Variants in TTC21B observed in about 807,000 individuals in gnomAD.
The protein encoded by TTC21B is tetratricopeptide repeat protein 21B.
In TTC21B, 127 loss-of-function variants were observed where a neutral mutation model predicts 175.1. That is an observed-to-expected ratio of 0.73 (90% CI 0.63 to 0.84). The LOEUF (loss-of-function observed/expected upper bound fraction) is 0.84. Among genes scored for constraint, TTC21B ranks in the 40% least tolerant of loss-of-function variants. The pLI is 0.00. For synonymous variants in TTC21B, 524 were observed against 524.5 expected (o/e 1.00, Z 0.01); for missense variants, 1,561 against 1,558.3 (o/e 1.00, Z -0.03).
chr2:165,877,759 A>C (rs184552168), intron 27 of TTC21B, among the ~76,000 whole-genome samples: 238 of 151,904 alleles, frequency 1.6e-3, no homozygotes, highest in African/African-American at 5.5e-3. Flanking sequence ...ATATATCTCT[A>C]CACACACACA....
chr2:165,877,042 TAA>T (rs1684686042), intron 27 of TTC21B, among the ~76,000 whole-genome samples: 1 of 152,220 alleles, frequency 6.6e-6, no homozygotes, highest in African/African-American at 2.4e-5. Context: ...GAAGAATATT[TAA>T]CACATTCCTC....
At chr2:165,896,778 T>C (rs1409462715) in intron 22 of TTC21B, among the ~76,000 whole-genome samples, 1 of 152,220 alleles carries the variant, frequency 6.6e-6, no homozygotes, top group Non-Finnish European at 1.5e-5. Context: ...CCTTTCTTCT[T>C]TACTATCAGA....
At chr2:165,917,528 C>A (rs1316827978) in intron 13 of TTC21B, 47 bp from the exon 14 acceptor site, 2 of 1,408,368 alleles carry the variant, frequency 1.4e-6, no homozygotes, top group African/African-American at 1.4e-5. Context: ...ACAACATCAA[C>A]ACATAATTTA....
chr2:165,936,039 G>A (rs1433188450), intron 6 of TTC21B, among the ~76,000 whole-genome samples: 2 of 152,118 alleles, frequency 1.3e-5, no homozygotes, highest in African/African-American at 4.8e-5. Flanking sequence ...AAAGTTAGAG[G>A]TCTGACATTA....
intron 18 of TTC21B, among the ~76,000 whole-genome samples, chr2:165,909,117 A>G (rs1410896414): frequency 1.3e-5 from 2 of 152,118 alleles, no homozygotes; most frequent in Non-Finnish European, 2.9e-5. Flanking sequence ...GATTCCTATA[A>G]TCAGAGCAAT....
chr2:165,903,574 TA>T (rs1257670566), intron 19 of TTC21B, among the ~76,000 whole-genome samples: 4 of 152,160 alleles, frequency 2.6e-5, no homozygotes, highest in Non-Finnish European at 5.9e-5. Flanking sequence ...ATCAGGAGGC[TA>T]CTTCAGGACC....
intron 14 of TTC21B, 75 bp downstream of exon 14, chr2:165,917,182 T>C: frequency 1.4e-6 from 2 of 1,430,482 alleles, no homozygotes; most frequent in Non-Finnish European, 2.0e-6. Context: ...CCTGGGCAGC[T>C]TTTCATTTTC....
In TTC21B at chr2:165,943,324, T is replaced by C. The variant is rs1687437917; in HGVS notation, c.447A>G (p.Ala149=). Residue 149 remains alanine (A), a synonymous_variant, in exon 5 of 29, where the codon GCA becomes GCG. Coordinates refer to ENST00000243344, the MANE Select transcript of TTC21B (RefSeq NM_024753.5). ...CTTTTCCTCTTGTAATATCAAGCCATGCTTTCAAAACGTGTCCCTGTAAAA... is the reference window on the plus strand; with the variant it reads ...CTTTTCCTCTTGTAATATCAAGCCACGCTTTCAAAACGTGTCCCTGTAAAA... The part of the protein sequence containing the change: ...DGSKQGHVLK[A]WLDITRGKEP... 1.9e-6 allele frequency: 3 copies of C among 1,609,566 alleles called. No homozygotes were observed. The highest frequency in any genetic ancestry group is 2.2e-5 in the South Asian group (2 of 90,862).
chr2:165,923,735 C>A (rs1300811686), intron 12 of TTC21B, among the ~76,000 whole-genome samples: 2 of 145,308 alleles, frequency 1.4e-5, no homozygotes, highest in Non-Finnish European at 3.0e-5. Flanking sequence ...AGCCACCACG[C>A]CCAGCTGGTT....
intron 18 of TTC21B, among the ~76,000 whole-genome samples, chr2:165,908,495 C>A (rs760756588): frequency 3.3e-5 from 5 of 151,912 alleles, no homozygotes; most frequent in Non-Finnish European, 7.4e-5. Flanking sequence ...ATAAAAGAAC[C>A]CTAGATAATT....
In TTC21B at chr2:165,921,637, C is replaced by T. The variant is rs533496653; in HGVS notation, c.1517-2204G>A. 2.6e-5 allele frequency among the ~76,000 whole-genome samples: 4 copies of T among 152,196 alleles called. 1 individual carries two copies. The highest frequency in any genetic ancestry group is 7.2e-5 in the African/African-American group (3 of 41,544). ...CTGTGGCTGGTGTCTGAAGTCAGGG[C>T]AGTTTTATGGGGGACTGTGCCCTTA... On this transcript the variant is annotated intron_variant, in intron 12 of 28. Coordinates refer to ENST00000243344, the MANE Select transcript of TTC21B (RefSeq NM_024753.5).
chr2:165,945,578 A>G lies in TTC21B; in HGVS notation c.375T>C (p.Asp125=). ...GLFLWHIGRH[D]KAREYIDRMI... ...TTCTGTCAATATATTCCCTTGCTTT[A>G]TCATGGCGACCAATGTGCCATAAAA... Residue 125 remains aspartate, a synonymous_variant, in exon 4 of 29, where the codon GAT becomes GAC. Coordinates refer to ENST00000243344, the MANE Select transcript of TTC21B (RefSeq NM_024753.5). 6.2e-7 allele frequency: 1 copy of G among 1,613,736 alleles called. No individual in the cohort carries two copies. Among genetic ancestry groups the G allele is most frequent in the Middle Eastern group, 1.7e-4 (1 of 6,058 alleles).
chr2:165,949,210 A>G (rs955345713), intron 3 of TTC21B, 184 bp downstream of exon 3: 3 of 617,918 alleles, frequency 4.9e-6, no homozygotes, highest in Admixed American at 2.9e-5. Flanking sequence ...CGAAAATAGT[A>G]TAAGACACAT....
At chr2:165,915,781 T>C (rs1686146783) in intron 14 of TTC21B, among the ~76,000 whole-genome samples, 1 of 152,242 alleles carries the variant, frequency 6.6e-6, no homozygotes, top group African/African-American at 2.4e-5. Context: ...AGTGGCAGAT[T>C]ATTCCCTCCA....
At chr2:165,899,646 A>T (rs1685484680) in intron 21 of TTC21B, 124 bp downstream of exon 21, 1 of 712,430 alleles carries the variant, frequency 1.4e-6, no homozygotes, top group Non-Finnish European at 2.6e-6. Context: ...ATGTTAGAAA[A>T]ATGTTATTTC....
Position 165,911,467 on chromosome 2 carries a change from TA to T in TTC21B, c.2323-3del. The T allele has an allele frequency of 6.2e-7, 1 of 1,613,680 alleles. No homozygotes were observed. Among genetic ancestry groups the T allele is most frequent in the South Asian group, 1.1e-5 (1 of 91,080 alleles). ...AGCAGCTTCATAGTAAGTGATTGCC[TA>T]AACAAAATTCATTCCATTTAAGGGA... On this transcript the variant is annotated splice_polypyrimidine_tract_variant and splice_region_variant and intron_variant, in intron 17 of 28. Coordinates refer to ENST00000243344, the MANE Select transcript of TTC21B (RefSeq NM_024753.5).
chr2:165,904,447 A>G lies in TTC21B; in HGVS notation c.2569-2537T>C, dbSNP rs541149265. Among the ~76,000 whole-genome samples the G allele has an allele frequency of 1.4e-4, 21 of 152,340 alleles. No homozygotes were observed. The East Asian group carries it at 2.5e-3, about 18-fold the overall frequency. On this transcript the variant is annotated intron_variant, in intron 19 of 28. Coordinates refer to ENST00000243344, the MANE Select transcript of TTC21B (RefSeq NM_024753.5). The stretch of plus-strand genomic sequence containing the variant: ...GAAACTTGGGTATGCACGCACATGC[A>G]TGCACACACACGTGCACACACACAT...
intron 19 of TTC21B, among the ~76,000 whole-genome samples, chr2:165,902,849 T>C (rs1329674271): frequency 6.6e-6 from 1 of 152,226 alleles, no homozygotes; most frequent in Non-Finnish European, 1.5e-5. Context: ...CCTGAATTCT[T>C]GTACCTCTAC....
chr2:165,921,385 G>C (rs1191635305), intron 12 of TTC21B, among the ~76,000 whole-genome samples: 1 of 152,124 alleles, frequency 6.6e-6, no homozygotes, highest in African/African-American at 2.4e-5. Context: ...CTGACTCCAT[G>C]GGGAGAGGGC....
Sources: gnomAD v4.1 joint callset for allele counts (sites outside exome capture counted in the v4.1 genomes callset) on GRCh38, gnomAD v4.1.1 for gene constraint, MANE v1.5 for transcripts, NCBI Gene and HGNC (gene_info 2026-07-23, HGNC 2026-07-21) for gene names.